Variants in FBXO36 observed in about 807,000 individuals in gnomAD.
FBXO36 encodes F-box protein 36.
In FBXO36, 18 loss-of-function variants were observed where a neutral mutation model predicts 17.0. The observed-to-expected ratio is 1.06, with a 90% CI of 0.73 to 1.57. The LOEUF (loss-of-function observed/expected upper bound fraction) is 1.57, where lower values mean the gene tolerates loss of function less well. Ranked by LOEUF, FBXO36 falls within the 40% of genes most tolerant of loss-of-function variation. The pLI is 0.00. For missense variants in FBXO36, 229 were observed against 221.9 expected (o/e 1.03, Z -0.20); for synonymous variants, 83 against 85.3 (o/e 0.97, Z 0.15).
At chr2:229,951,170 T>G (rs2077055654) in intron 1 of FBXO36, among the ~76,000 whole-genome samples, 1 of 152,086 alleles carries the variant, frequency 6.6e-6, no homozygotes, top group Non-Finnish European at 1.5e-5. Flanking sequence ...CCTGACCTCG[T>G]TATCCACCCA....
chr2:229,972,151 G>A (rs1029048623), intron 1 of FBXO36, among the ~76,000 whole-genome samples: 50 of 151,638 alleles, frequency 3.3e-4, no homozygotes, highest in African/African-American at 1.2e-3. Flanking sequence ...CTGCCACCAT[G>A]CCCAGCTAAT....
intron 1 of FBXO36, among the ~76,000 whole-genome samples, chr2:229,933,475 GTTC>G (rs1196143045): frequency 2.0e-5 from 3 of 152,174 alleles, no homozygotes; most frequent in African/African-American, 4.8e-5. Context: ...GTTCCATTCT[GTTC>G]TTCTGTAAAG....
chr2:229,980,292 C>T (rs761718092), intron 2 of FBXO36, among the ~76,000 whole-genome samples: 41 of 146,456 alleles, frequency 2.8e-4, no homozygotes, highest in Non-Finnish European at 5.5e-4. Context: ...AACTCCTGGC[C>T]TCAAGTGATC....
intron 1 of FBXO36, among the ~76,000 whole-genome samples, chr2:229,932,165 A>C (rs1432589882): frequency 6.6e-6 from 1 of 151,978 alleles, no homozygotes; most frequent in Non-Finnish European, 1.5e-5. Context: ...GCGGATCACA[A>C]AGTCAGGAGT....
intron 1 of FBXO36, among the ~76,000 whole-genome samples, chr2:229,941,923 G>A (rs1239671770): frequency 6.6e-6 from 1 of 152,068 alleles, no homozygotes; most frequent in Non-Finnish European, 1.5e-5. Context: ...GGCCAAGGCA[G>A]GAGAATTGCT....
chr2:229,923,844 G>GTTTTTTTTTTTTTTTTTTTTTTTTTTTT (rs2076875244), intron 1 of FBXO36, among the ~76,000 whole-genome samples: 1 of 119,354 alleles, frequency 8.4e-6, no homozygotes, highest in African/African-American at 3.2e-5. Flanking sequence ...TTTTTTTGGT[G>GTTTTTTTTTTTTTTTTTTTTTTTTTTTT]TTGTTTTTTT....
intron 1 of FBXO36, among the ~76,000 whole-genome samples, chr2:229,973,944 G>GAT (rs2077194548): frequency 6.6e-6 from 1 of 151,960 alleles, no homozygotes; most frequent in East Asian, 1.9e-4. Flanking sequence ...CAGCTACTCA[G>GAT]GAGGCTGAGA....
chr2:229,999,499 GTA>G lies in FBXO36; in HGVS notation c.378+2592_378+2593del, dbSNP rs201480766. 1.8e-3 allele frequency among the ~76,000 whole-genome samples: 251 copies of G among 139,714 alleles called. 1 individual carries two copies. Among genetic ancestry groups the G allele is most frequent in the East Asian group, 0.015 (73 of 4,932 alleles). The allele number at this position is 139,714 out of a possible 152,430, so 91.7% of individuals were successfully genotyped here. ...AGTGTGTGTGTGTGTATATATATAT[GTA>G]TATATATATATATATGTATGTGTAT... On this transcript the variant is annotated intron_variant, in intron 3 of 3. Coordinates refer to ENST00000283946, the MANE Select transcript of FBXO36 (RefSeq NM_174899.5).
chr2:229,927,215 A>C (rs944324160), intron 1 of FBXO36, among the ~76,000 whole-genome samples: 1 of 152,186 alleles, frequency 6.6e-6, no homozygotes, highest in African/African-American at 2.4e-5. Flanking sequence ...ACACATATAT[A>C]TTCCTATTTA....
chr2:230,004,672 G>GT (rs941196996), intron 3 of FBXO36, among the ~76,000 whole-genome samples: 3 of 151,142 alleles, frequency 2.0e-5, no homozygotes, highest in East Asian at 1.9e-4. Flanking sequence ...TTCTCCATCT[G>GT]TTTTTTTTTC....
chr2:230,008,498 G>A (rs770465810), intron 3 of FBXO36, among the ~76,000 whole-genome samples: 20 of 152,026 alleles, frequency 1.3e-4, no homozygotes, highest in Non-Finnish European at 2.6e-4. Flanking sequence ...TTTTGTACAC[G>A]AACTTATAAT....
At position 230,011,399 on chromosome 2, in the gene FBXO36, C is replaced by G. The variant is rs1247929364; in HGVS notation, c.*515C>G. 1 of 152,830 alleles carries G rather than the reference C, an allele frequency of 6.5e-6. No individual in the cohort carries two copies. Among genetic ancestry groups the G allele is most frequent in the Non-Finnish European group, 1.5e-5 (1 of 68,592 alleles). 9.5% of individuals were successfully genotyped at this position (152,830 alleles called of 1,614,324 possible). Reference sequence around the variant, plus strand: ...GTGCAGCTGCCTTCCCAACTTTGTTCTGCTAAGTCCATATTCAGGGCCCTA... The same window carrying G: ...GTGCAGCTGCCTTCCCAACTTTGTTGTGCTAAGTCCATATTCAGGGCCCTA... On this transcript the variant is annotated 3_prime_UTR_variant, in exon 4 of 4. Coordinates refer to ENST00000283946, the MANE Select transcript of FBXO36 (RefSeq NM_174899.5).
At chr2:229,993,399 A>C (rs1361186850) in intron 2 of FBXO36, among the ~76,000 whole-genome samples, 1 of 152,210 alleles carries the variant, frequency 6.6e-6, no homozygotes, top group Non-Finnish European at 1.5e-5. Flanking sequence ...ATCGAAGAGC[A>C]AAGCAGAAGC....
At chr2:229,980,252 G>C (rs560121113) in intron 2 of FBXO36, among the ~76,000 whole-genome samples, 18 of 148,432 alleles carry the variant, frequency 1.2e-4, no homozygotes, top group Admixed American at 9.5e-4. Flanking sequence ...GTAGAGATGA[G>C]GTTTCATCAT....
chr2:229,982,909 G>A (rs1176061246), intron 2 of FBXO36, among the ~76,000 whole-genome samples: 1 of 151,938 alleles, frequency 6.6e-6, no homozygotes, highest in Non-Finnish European at 1.5e-5. Flanking sequence ...GCATTATTAT[G>A]TCTACCACAG....
At chr2:229,925,167 C>T (rs1041921665) in intron 1 of FBXO36, among the ~76,000 whole-genome samples, 3 of 151,384 alleles carry the variant, frequency 2.0e-5, no homozygotes, top group African/African-American at 7.3e-5. Flanking sequence ...ATCTCAGGTT[C>T]TGTCAGTTAC....
intron 1 of FBXO36, chr2:229,937,821 A>T (rs1476137411): frequency 1.3e-5 from 2 of 152,096 alleles, no homozygotes; most frequent in African/African-American, 2.4e-5. Context: ...CTTCTTGCTC[A>T]GGGGCCATGC....
At chr2:230,003,229 A>G (rs1269506361) in intron 3 of FBXO36, among the ~76,000 whole-genome samples, 3 of 151,886 alleles carry the variant, frequency 2.0e-5, no homozygotes, top group Non-Finnish European at 4.4e-5. Context: ...AAAAAAAAAA[A>G]AAAGTTCTTT....
chr2:229,969,691 TA>T (rs1286492249), intron 1 of FBXO36, among the ~76,000 whole-genome samples: 1 of 151,586 alleles, frequency 6.6e-6, no homozygotes, highest in Non-Finnish European at 1.5e-5. Flanking sequence ...CTCAGAAAAA[TA>T]AAAAATAAAA....
Sources: gnomAD v4.1 joint callset for allele counts (sites outside exome capture counted in the v4.1 genomes callset) on GRCh38, gnomAD v4.1.1 for gene constraint, MANE v1.5 for transcripts, NCBI Gene and HGNC (gene_info 2026-07-23, HGNC 2026-07-21) for gene names.